Variants in WNT3 observed in about 807,000 individuals in gnomAD.
The protein encoded by WNT3 is proto-oncogene Wnt-3.
In WNT3, 7 loss-of-function variants were observed where a neutral mutation model predicts 34.2. That is an observed-to-expected ratio of 0.20 (90% CI 0.12 to 0.38). The LOEUF (loss-of-function observed/expected upper bound fraction) is 0.38, where lower values mean the gene tolerates loss of function less well. WNT3 is among the 10% of genes least tolerant of loss of function. The pLI is 1.00. For missense variants in WNT3, 267 were observed against 499.8 expected, an observed-to-expected ratio of 0.53 and a Z score of 4.44; for synonymous variants, 212 against 211.5, an observed-to-expected ratio of 1.00 and a Z score of -0.02.
intron 2 of WNT3, 37 bp downstream of exon 2, chr17:46,773,630 AC>A: frequency 6.7e-6 from 1 of 149,018 alleles, no homozygotes; most frequent in South Asian, 7.6e-5. Context: ...CCCTCCCCCC[AC>A]CCAGCCCCTC....
chr17:46,765,012 T>C (rs1284322333), intron 4 of WNT3, among the ~76,000 whole-genome samples: 1 of 152,266 alleles, frequency 6.6e-6, no homozygotes. Flanking sequence ...ACTGTGTTTT[T>C]GTACCGCACC....
intron 4 of WNT3, among the ~76,000 whole-genome samples, chr17:46,766,487 C>G (rs2059314542): frequency 6.6e-6 from 1 of 152,140 alleles, no homozygotes; most frequent in Non-Finnish European, 1.5e-5. Context: ...CCAGGCCAGA[C>G]AGCTGAGTGG....
At position 46,768,921 on chromosome 17, in the gene WNT3, A is replaced by C; in HGVS notation, c.589-122T>G. The C allele has an allele frequency of 7.0e-7, 1 of 1,435,580 alleles. No homozygotes were observed. Among genetic ancestry groups the C allele is most frequent in the East Asian group, 2.4e-5 (1 of 42,184 alleles). 88.9% of individuals were successfully genotyped at this position (1,435,580 alleles called of 1,614,324 possible). A position where few individuals can be genotyped will look rare whatever the true frequency, so the allele number is the denominator to read the frequency against. ...GCCTTCTCTACTCCTCTGTGACAGGAAGAGAACTGATGGGGACTGAGGCAA... is the reference window on the plus strand; with the variant it reads ...GCCTTCTCTACTCCTCTGTGACAGGCAGAGAACTGATGGGGACTGAGGCAA... On this transcript the variant is annotated intron_variant, in intron 3 of 4. Transcript: ENST00000225512. This position sits in a 1 kb window ranked among gnomAD's most constrained non-coding sequence, Gnocchi z 5.0.
intron 1 of WNT3, among the ~76,000 whole-genome samples, chr17:46,796,591 G>A (rs756823793): frequency 6.6e-5 from 10 of 152,284 alleles, no homozygotes; most frequent in Admixed American, 1.3e-4. Flanking sequence ...AGAGGCAAGC[G>A]CAACTTGGTT....
chr17:46,805,160 C>T (rs911026923), intron 1 of WNT3, among the ~76,000 whole-genome samples: 4 of 152,030 alleles, frequency 2.6e-5, no homozygotes, highest in East Asian at 1.9e-4. Flanking sequence ...AACCCTGGTC[C>T]TCAAGTGCAA....
rs868509853 is a variant in WNT3 at position 46,802,940 on chromosome 17, C to G, written c.80+15578G>C. Among the ~76,000 whole-genome samples the G allele has an allele frequency of 4.6e-5, 7 of 152,264 alleles. No homozygotes were observed. The South Asian group carries it at 1.5e-3, about 32-fold the overall frequency. On this transcript the variant is annotated intron_variant, in intron 1 of 4. Transcript: ENST00000225512. ...GAACCCAAGGAGGAAGTCACAGGAA[C>G]CCTGATTTATAGCAGGTCAGTCAGG...
At chr17:46,796,765 G>T (rs2084059648) in intron 1 of WNT3, among the ~76,000 whole-genome samples, 1 of 152,214 alleles carries the variant, frequency 6.6e-6, no homozygotes, top group Admixed American at 6.5e-5. Flanking sequence ...TGCTGCATAG[G>T]AGAGGGGGCT....
intron 1 of WNT3, among the ~76,000 whole-genome samples, chr17:46,781,212 C>G (rs2059457770): frequency 7.3e-6 from 1 of 136,528 alleles, no homozygotes; most frequent in East Asian, 2.2e-4. Context: ...GGCGACAGAG[C>G]AAGACTCTGT....
chr17:46,789,642 G>A (rs760374093), intron 1 of WNT3, among the ~76,000 whole-genome samples: 3 of 152,214 alleles, frequency 2.0e-5, no homozygotes, highest in Non-Finnish European at 2.9e-5. Flanking sequence ...ACACCATGGG[G>A]AAGCAACTGG....
chr17:46,777,719 A>G (rs1208704199), intron 1 of WNT3, among the ~76,000 whole-genome samples: 1 of 152,240 alleles, frequency 6.6e-6, no homozygotes, highest in Non-Finnish European at 1.5e-5. Context: ...GGGCATTGTT[A>G]TCCCCATTTT....
At chr17:46,793,376 T>A (rs1182665117) in intron 1 of WNT3, among the ~76,000 whole-genome samples, 1 of 148,202 alleles carries the variant, frequency 6.7e-6, no homozygotes, top group Admixed American at 6.8e-5. Flanking sequence ...GGGAAGGAAG[T>A]GCTCAGGTCC....
At chr17:46,818,379 G>A (rs2084380488) in intron 1 of WNT3, 139 bp downstream of exon 1, 9 of 791,276 alleles carry the variant, frequency 1.1e-5, no homozygotes, top group Non-Finnish European at 1.9e-5. Context: ...AAATCCAGGA[G>A]GGGTGGGCGG....
chr17:46,813,429 T>C (rs956503754), intron 1 of WNT3, among the ~76,000 whole-genome samples: 1 of 134,850 alleles, frequency 7.4e-6, no homozygotes, highest in African/African-American at 2.9e-5. Flanking sequence ...CAAGATAACA[T>C]GGATGTACAG....
intron 1 of WNT3, among the ~76,000 whole-genome samples, chr17:46,780,406 A>C (rs924234258): frequency 3.3e-5 from 5 of 152,238 alleles, no homozygotes; most frequent in African/African-American, 1.2e-4. Flanking sequence ...GAACATATGA[A>C]AAGAGGGCCC....
At position 46,817,543 on chromosome 17, in the gene WNT3, G is replaced by A. The variant is rs528964942; in HGVS notation, c.80+975C>T. Among the ~76,000 whole-genome samples the A allele has an allele frequency of 2.0e-5, 3 of 152,216 alleles. No individual in the cohort carries two copies. The South Asian group carries it at 6.2e-4, about 32-fold the overall frequency. On this transcript the variant is annotated intron_variant, in intron 1 of 4. Coordinates refer to ENST00000225512, the MANE Select transcript of WNT3 (RefSeq NM_030753.5). Reference sequence around the variant, plus strand: ...GACCTGCGGAGGGTGGGAGAGCGGCGATGGGGCCGCTCGGAAAACAAGGGG... The same window carrying A: ...GACCTGCGGAGGGTGGGAGAGCGGCAATGGGGCCGCTCGGAAAACAAGGGG...
chr17:46,781,658 G>A (rs2059462232), intron 1 of WNT3, among the ~76,000 whole-genome samples: 1 of 152,168 alleles, frequency 6.6e-6, no homozygotes, highest in Admixed American at 6.5e-5. Context: ...AGACGGTGGT[G>A]ATGGTCACAC....
Position 46,768,881 on chromosome 17 carries a change from AC to A in WNT3, c.589-83del. ...AGGCCTTCCCTCTCTGCCACTGCCC[AC>A]CCCCTTCCCTCCAGCCTTCTCTACT... On this transcript the variant is annotated intron_variant, in intron 3 of 4. Transcript: ENST00000225512. The surrounding 1 kb of genome is among the most constrained non-coding windows in gnomAD (Gnocchi z 5.0). 1.3e-6 allele frequency: 2 copies of A among 1,554,532 alleles called. No homozygotes were observed. Among genetic ancestry groups the A allele is most frequent in the Non-Finnish European group, 1.7e-6 (2 of 1,153,710 alleles).
intron 1 of WNT3, among the ~76,000 whole-genome samples, chr17:46,783,064 T>C (rs2059475298): frequency 6.6e-6 from 1 of 152,066 alleles, no homozygotes; most frequent in African/African-American, 2.4e-5. Context: ...TAGTTCATTC[T>C]CTCAACGGGG....
At chr17:46,773,977 C>T (rs1055322859) in intron 1 of WNT3, 68 bp from the exon 2 acceptor site, 38 of 1,568,256 alleles carry the variant, frequency 2.4e-5, no homozygotes, top group Middle Eastern at 4.5e-4. Flanking sequence ...GCACCATGGC[C>T]GCTTTGTGAA....
Sources: allele counts gnomAD v4.1 joint callset (sites outside exome capture counted in the v4.1 genomes callset), GRCh38; gene constraint gnomAD v4.1.1; non-coding constraint Gnocchi (gnomAD v3.1); transcripts MANE v1.5; gene names NCBI Gene and HGNC (gene_info 2026-07-23, HGNC 2026-07-21).